COL25A1: variants seen among roughly 807,000 people sequenced by gnomAD.
COL25A1 encodes collagen alpha-1(XXV) chain.
A neutral mutation model predicts 128.4 loss-of-function variants in COL25A1; 103 were observed. The observed-to-expected ratio is 0.80, with a 90% CI of 0.68 to 0.94. The LOEUF (loss-of-function observed/expected upper bound fraction) is 0.94, where lower values mean the gene tolerates loss of function less well. COL25A1 is among the 40% of genes least tolerant of loss of function. The pLI, the probability that COL25A1 is intolerant of heterozygous loss-of-function variation, is 0.00. For missense variants in COL25A1, 745 were observed against 840.0 expected (o/e 0.89, Z 1.40); for synonymous variants, 279 against 277.2 (o/e 1.01, Z -0.06).
intron 31 of COL25A1, among the ~76,000 whole-genome samples, chr4:108,835,806 T>A (rs1462748624): frequency 6.9e-6 from 1 of 145,848 alleles, no homozygotes; most frequent in Non-Finnish European, 1.5e-5. Flanking sequence ...CTTGCCTCCA[T>A]CTCCCAAAGT....
intron 5 of COL25A1, among the ~76,000 whole-genome samples, chr4:109,020,604 T>C (rs9996750): frequency 0.26 from 39,139 of 151,612 alleles, 5,556 homozygotes; most frequent in East Asian, 0.47. Flanking sequence ...TACTTAAAAA[T>C]CTACTCATGT....
chr4:109,186,400 G>C (rs1423983193), intron 3 of COL25A1, among the ~76,000 whole-genome samples: 6 of 152,114 alleles, frequency 3.9e-5, no homozygotes, highest in African/African-American at 1.4e-4. Context: ...CAAATTAGAA[G>C]AAAAATTATA....
chr4:109,041,871 C>G lies in COL25A1; in HGVS notation c.420+6297G>C, dbSNP rs545977972. Among the ~76,000 whole-genome samples the G allele has an allele frequency of 2.0e-5, 3 of 152,172 alleles. No homozygotes were observed. The East Asian group carries it at 5.8e-4, about 29-fold the overall frequency. On this transcript the variant is annotated intron_variant, in intron 5 of 37. Transcript: ENST00000399132. ...ATCAGTCTGGGCTCCTGCAAGGAGCCTTGCCCATCAATATGCAAAAAAATG... is the reference window on the plus strand; with the variant it reads ...ATCAGTCTGGGCTCCTGCAAGGAGCGTTGCCCATCAATATGCAAAAAAATG...
chr4:108,820,350 G>A (rs192204546), intron 35 of COL25A1, among the ~76,000 whole-genome samples: 249 of 152,290 alleles, frequency 1.6e-3, no homozygotes, highest in Non-Finnish European at 2.7e-3. Context: ...CATTGAACCA[G>A]AGGAAAAGGA....
At chr4:108,903,100 T>C (rs748007556) in intron 13 of COL25A1, among the ~76,000 whole-genome samples, 2 of 151,952 alleles carry the variant, frequency 1.3e-5, no homozygotes, top group Non-Finnish European at 2.9e-5. Context: ...CGGACAAAAT[T>C]CATGCTGAGA....
intron 8 of COL25A1, among the ~76,000 whole-genome samples, chr4:108,949,861 T>C (rs1012057596): frequency 6.6e-6 from 1 of 152,184 alleles, no homozygotes; most frequent in Non-Finnish European, 1.5e-5. Flanking sequence ...TTTTTCATAG[T>C]CTATGAATTT....
intron 3 of COL25A1, among the ~76,000 whole-genome samples, chr4:109,178,276 C>T (rs1774280944): frequency 2.6e-5 from 4 of 152,118 alleles, no homozygotes; most frequent in Admixed American, 2.0e-4. Flanking sequence ...TTTTCAACTA[C>T]GTTGGGTAAG....
At chr4:109,000,668 C>A (rs531857971) in intron 6 of COL25A1, among the ~76,000 whole-genome samples, 5 of 133,020 alleles carry the variant, frequency 3.8e-5, no homozygotes, top group South Asian at 2.6e-4. Flanking sequence ...ATAATTTTAA[C>A]CCCGGAGGCA....
At chr4:108,874,317 C>T (rs1739166343) in intron 19 of COL25A1, among the ~76,000 whole-genome samples, 1 of 152,132 alleles carries the variant, frequency 6.6e-6, no homozygotes, top group Admixed American at 6.5e-5. Flanking sequence ...TTTAATCTCC[C>T]TTAATGAATG....
chr4:109,171,872 C>T (rs374150940), intron 3 of COL25A1, among the ~76,000 whole-genome samples: 2 of 152,320 alleles, frequency 1.3e-5, no homozygotes, highest in South Asian at 4.1e-4. Context: ...TAAGGTATCA[C>T]TGATGTGAAG....
chr4:109,196,641 G>T (rs1776070386), intron 3 of COL25A1, among the ~76,000 whole-genome samples: 1 of 152,090 alleles, frequency 6.6e-6, no homozygotes, highest in African/African-American at 2.4e-5. Flanking sequence ...GCAGCTCAGT[G>T]TAAAAAGAAG....
At chr4:109,239,192 T>C (rs948956033) in intron 3 of COL25A1, among the ~76,000 whole-genome samples, 3 of 151,762 alleles carry the variant, frequency 2.0e-5, no homozygotes, top group Non-Finnish European at 2.9e-5. Context: ...AATTTTGTCA[T>C]TGTGCAAACA....
chr4:108,869,524 G>A (rs1738442234), intron 19 of COL25A1, among the ~76,000 whole-genome samples: 7 of 152,122 alleles, frequency 4.6e-5, no homozygotes, highest in Admixed American at 4.6e-4. Context: ...ATAAGACTGA[G>A]CCCTTAAATC....
intron 5 of COL25A1, among the ~76,000 whole-genome samples, chr4:109,016,288 C>A (rs1757209328): frequency 6.6e-6 from 1 of 152,224 alleles, no homozygotes; most frequent in South Asian, 2.1e-4. Flanking sequence ...CTGCCTCAGC[C>A]CCCTCCAGAC....
intron 5 of COL25A1, among the ~76,000 whole-genome samples, chr4:109,016,031 C>T (rs771999868): frequency 2.6e-5 from 4 of 152,164 alleles, no homozygotes; most frequent in South Asian, 2.1e-4. Context: ...GGGGTGGGTG[C>T]CCCGCACTTC....
intron 19 of COL25A1, among the ~76,000 whole-genome samples, chr4:108,871,648 T>C (rs1207716871): frequency 6.6e-6 from 1 of 152,174 alleles, no homozygotes; most frequent in Non-Finnish European, 1.5e-5. Flanking sequence ...TTGAGCATGA[T>C]ACATTATACC....
intron 13 of COL25A1, among the ~76,000 whole-genome samples, chr4:108,906,143 C>T (rs977565881): frequency 6.6e-6 from 1 of 152,228 alleles, no homozygotes; most frequent in African/African-American, 2.4e-5. Flanking sequence ...GAATAAGAGC[C>T]GACATCCTTA....
Position 109,237,260 on chromosome 4 carries a change from T to C in COL25A1, c.367+63323A>G, listed in dbSNP as rs1427793941. ...AATGTGATCTTCACGTTACAAAAAATAAGTGCTGAGGCATAACTGCTCAAA... is the reference window on the plus strand; with the variant it reads ...AATGTGATCTTCACGTTACAAAAAACAAGTGCTGAGGCATAACTGCTCAAA... On this transcript the variant is annotated intron_variant, in intron 3 of 37. Transcript: ENST00000399132. Among the ~76,000 whole-genome samples, 5 of 151,958 alleles carry C rather than the reference T, an allele frequency of 3.3e-5. No homozygotes were observed. In the East Asian group the frequency reaches 7.7e-4, roughly 23 times the overall value.
chr4:109,133,091 C>T (rs760753811), intron 3 of COL25A1, among the ~76,000 whole-genome samples: 99 of 152,062 alleles, frequency 6.5e-4, no homozygotes, highest in Non-Finnish European at 8.0e-4. Context: ...CCATCTACTA[C>T]GTTAGACTGC....
Sources: allele counts gnomAD v4.1 joint callset (sites outside exome capture counted in the v4.1 genomes callset), GRCh38; gene constraint gnomAD v4.1.1; transcripts MANE v1.5; gene names NCBI Gene and HGNC (gene_info 2026-07-23, HGNC 2026-07-21).